Variants in IAPP observed in about 807,000 individuals in gnomAD.
IAPP encodes islet amyloid polypeptide.
In IAPP, 4 loss-of-function variants were observed where a neutral mutation model predicts 2.9. That is an observed-to-expected ratio of 1.39 (90% CI 0.69 to 3.19). The LOEUF (loss-of-function observed/expected upper bound fraction) is 3.19, where lower values mean the gene tolerates loss of function less well. Among genes scored for constraint, IAPP ranks in the 30% most tolerant of loss-of-function variants. IAPP has a pLI of 0.01. For missense variants in IAPP, 114 were observed against 105.3 expected (o/e 1.08, Z -0.36); for synonymous variants, 40 against 42.1 (o/e 0.95, Z 0.19).
At chr12:21,366,428 G>A (rs578227159) in intron 1 of IAPP, among the ~76,000 whole-genome samples, 1 of 152,070 alleles carries the variant, frequency 6.6e-6, no homozygotes, top group East Asian at 1.9e-4. Context: ...ATAGCATTAG[G>A]AGATATACCT....
upstream of IAPP, among the ~76,000 whole-genome samples, chr12:21,368,802 C>T (rs978230747): frequency 1.3e-5 from 2 of 151,862 alleles, no homozygotes; most frequent in Admixed American, 1.3e-4. Context: ...AGATGTACAC[C>T]TAATATTGAT....
intron 1 of IAPP, among the ~76,000 whole-genome samples, chr12:21,360,941 T>C (rs1301811375): frequency 1.3e-5 from 2 of 152,168 alleles, no homozygotes; most frequent in Non-Finnish European, 2.9e-5. Context: ...CCTGCCTCTG[T>C]AGACTCCACC....
chr12:21,362,814 G>C (rs1021825528), intron 1 of IAPP, among the ~76,000 whole-genome samples: 1 of 152,138 alleles, frequency 6.6e-6, no homozygotes. Flanking sequence ...TTACATAATG[G>C]TAACAGGATC....
intron 1 of IAPP, among the ~76,000 whole-genome samples, chr12:21,358,005 G>A (rs868408450): frequency 4.6e-5 from 7 of 152,242 alleles, no homozygotes; most frequent in Admixed American, 6.5e-5. Context: ...GGTGGGTGGC[G>A]TGAGGTGGGG....
chr12:21,360,920 A>T (rs925507031), intron 1 of IAPP, among the ~76,000 whole-genome samples: 2 of 152,166 alleles, frequency 1.3e-5, no homozygotes, highest in Non-Finnish European at 2.9e-5. Context: ...ACCGCAGCTC[A>T]AGGAGGCCTG....
intron 1 of IAPP, among the ~76,000 whole-genome samples, chr12:21,361,845 A>G (rs901242293): frequency 6.6e-6 from 1 of 152,150 alleles, no homozygotes; most frequent in Non-Finnish European, 1.5e-5. Context: ...AGTTTAGAGA[A>G]AAAAGAGTAA....
intron 2 of IAPP, among the ~76,000 whole-genome samples, chr12:21,375,818 A>T (rs955745191): frequency 2.0e-5 from 3 of 152,178 alleles, no homozygotes; most frequent in African/African-American, 7.2e-5. Flanking sequence ...TAAAGTCAAG[A>T]ATTTCCATGT....
At chr12:21,367,308 C>T (rs1032477170) in intron 1 of IAPP, among the ~76,000 whole-genome samples, 3 of 151,930 alleles carry the variant, frequency 2.0e-5, no homozygotes, top group East Asian at 3.8e-4. Context: ...AAAATAAGGA[C>T]ATAAATCAAG....
chr12:21,365,911 G>T (rs1478892371), intron 1 of IAPP, among the ~76,000 whole-genome samples: 1 of 152,202 alleles, frequency 6.6e-6, no homozygotes, highest in South Asian at 2.1e-4. Flanking sequence ...AGGTGCTGGA[G>T]AGGATGTGGA....
intron 1 of IAPP, among the ~76,000 whole-genome samples, chr12:21,366,559 A>T (rs1185910303): frequency 6.6e-6 from 1 of 152,130 alleles, no homozygotes; most frequent in African/African-American, 2.4e-5. Context: ...AAATAAAAAT[A>T]AAAAAGAAAT....
chr12:21,355,187 A>G (rs1015719987), intron 1 of IAPP, among the ~76,000 whole-genome samples: 4 of 152,282 alleles, frequency 2.6e-5, no homozygotes, highest in East Asian at 3.9e-4. Context: ...GAGCCACTAA[A>G]TCATTTCTAG....
At chr12:21,355,556 G>C (rs1311989458) in intron 1 of IAPP, among the ~76,000 whole-genome samples, 2 of 152,130 alleles carry the variant, frequency 1.3e-5, no homozygotes, top group Non-Finnish European at 2.9e-5. Flanking sequence ...GAGCTGATGT[G>C]AGTTTCCTAT....
At chr12:21,377,994 A>G (rs1337858053) in intron 2 of IAPP, among the ~76,000 whole-genome samples, 1 of 152,312 alleles carries the variant, frequency 6.6e-6, no homozygotes, top group East Asian at 1.9e-4. Flanking sequence ...TTTCCAAAGG[A>G]AGACTTTTAA....
intron 1 of IAPP, among the ~76,000 whole-genome samples, chr12:21,363,694 A>AT (rs1348099091): frequency 1.3e-5 from 2 of 152,224 alleles, no homozygotes; most frequent in East Asian, 1.9e-4. Flanking sequence ...AACAGAAGCA[A>AT]TAAAAAATGA....
At chr12:21,362,586 T>A (rs1459582996) in intron 1 of IAPP, among the ~76,000 whole-genome samples, 2 of 152,156 alleles carry the variant, frequency 1.3e-5, no homozygotes, top group African/African-American at 4.8e-5. Context: ...AATGCTCCAA[T>A]TAGAAGACAC....
At chr12:21,365,302 T>C (rs1939285201) in intron 1 of IAPP, among the ~76,000 whole-genome samples, 1 of 152,180 alleles carries the variant, frequency 6.6e-6, no homozygotes, top group Non-Finnish European at 1.5e-5. Context: ...GGGGAAAGGA[T>C]TCCCTATTTA....
intron 1 of IAPP, among the ~76,000 whole-genome samples, chr12:21,365,975 G>A (rs533693359): frequency 4.9e-4 from 75 of 152,336 alleles, no homozygotes; most frequent in Admixed American, 2.2e-3. Context: ...TTCAACCATT[G>A]TGGAAGACAG....
chr12:21,365,274 C>A (rs1939283138), intron 1 of IAPP, among the ~76,000 whole-genome samples: 1 of 152,078 alleles, frequency 6.6e-6, no homozygotes, highest in Non-Finnish European at 1.5e-5. Context: ...TTTGACAAAC[C>A]TGACAAAAAC....
intron 1 of IAPP, among the ~76,000 whole-genome samples, chr12:21,367,223 A>G (rs1939454275): frequency 6.6e-6 from 1 of 152,176 alleles, no homozygotes; most frequent in Admixed American, 6.5e-5. Flanking sequence ...TGTGTTTAGA[A>G]CTATGCTCAG....
Sources: gnomAD v4.1 joint callset for allele counts (sites outside exome capture counted in the v4.1 genomes callset) on GRCh38, gnomAD v4.1.1 for gene constraint, MANE v1.5 for transcripts, NCBI Gene and HGNC (gene_info 2026-07-23, HGNC 2026-07-21) for gene names.